The following TIMM50 variants were observed in gnomAD, a reference collection of about 807,000 sequenced individuals.
TIMM50 encodes the protein mitochondrial import inner membrane translocase subunit TIM50.
TIMM50 carries 34 observed loss-of-function variants against 49.6 expected under a neutral mutation model. The observed-to-expected ratio is 0.69, with a 90% CI of 0.52 to 0.91. The LOEUF is 0.91. TIMM50 is among the 40% of genes least tolerant of loss of function. The pLI, the probability that TIMM50 is intolerant of heterozygous loss-of-function variation, is 0.00. For missense variants in TIMM50, 458 were observed against 477.8 expected (o/e 0.96, Z 0.39); for synonymous variants, 199 against 198.4 (o/e 1.00, Z -0.03).
At chr19:39,482,798 G>C in intron 2 of TIMM50, 87 bp from the exon 3 acceptor site, 1 of 1,574,652 alleles carries the variant, frequency 6.4e-7, no homozygotes, top group Non-Finnish European at 8.7e-7. Flanking sequence ...CTCAGATCCA[G>C]GAGTCCAGGC....
chr19:39,481,215 T>G, intron 1 of TIMM50: 1 of 543,900 alleles, frequency 1.8e-6, no homozygotes. Context: ...GTTCCCCGTT[T>G]CAGTGACCAC....
intron 5 of TIMM50, 38 bp from the exon 6 acceptor site, chr19:39,485,650 C>T (rs2079499776): frequency 1.2e-6 from 2 of 1,613,974 alleles, no homozygotes; most frequent in Non-Finnish European, 8.5e-7. Flanking sequence ...GCCCTGGCCT[C>T]CTTGTCTGAG....
intron 4 of TIMM50, chr19:39,483,609 A>G (rs2079486548): frequency 6.2e-6 from 1 of 161,770 alleles, no homozygotes; most frequent in Non-Finnish European, 1.3e-5. Flanking sequence ...AGTAGCTGTC[A>G]ATCCTGTCAC....
rs914382633 is a variant in TIMM50, at chr19:39,486,394, C to T, written c.598-3C>T. On this transcript the variant is annotated splice_polypyrimidine_tract_variant and splice_region_variant and intron_variant, in intron 7 of 10. Coordinates refer to ENST00000607714, the MANE Select transcript of TIMM50 (RefSeq NM_001001563.5). Reference sequence around the variant, plus strand: ...CCTTTTCTCGCTCCCTTCCCACCCCCAGACTGCGTTTCCACTCATTGATAG... The same window carrying T: ...CCTTTTCTCGCTCCCTTCCCACCCCTAGACTGCGTTTCCACTCATTGATAG... 13 of 1,614,184 alleles carry T rather than the reference C, an allele frequency of 8.1e-6. No individual in the cohort carries two copies. Among genetic ancestry groups the T allele is most frequent in the South Asian group, 2.2e-5 (2 of 91,082 alleles).
chr19:39,481,146 G>T, intron 1 of TIMM50, 185 bp downstream of exon 1: 1 of 796,574 alleles, frequency 1.3e-6, no homozygotes, highest in Non-Finnish European at 1.9e-6. Flanking sequence ...TGGGAATCCA[G>T]GTGTGTCCTT....
At position 39,491,281 on chromosome 19, in the gene TIMM50, C is replaced by G. The variant is rs1413938943; in HGVS notation, c.*1461C>G. ...TCCCGGGTTCAAGCAATGCTCCCGC[C>G]TCAACCTCCCAAGTAGCTGAGATTA... On this transcript the variant is annotated 3_prime_UTR_variant, in exon 11 of 11. Coordinates refer to ENST00000607714, the MANE Select transcript of TIMM50 (RefSeq NM_001001563.5). The G allele has an allele frequency of 6.6e-6, 1 of 151,522 alleles. No homozygotes were observed. The allele number at this position is 151,522 out of a possible 1,614,324, so 9.4% of individuals were successfully genotyped here.
intron 4 of TIMM50, chr19:39,483,368 G>T: frequency 2.0e-5 from 11 of 552,466 alleles, no homozygotes; most frequent in East Asian, 6.5e-5. Flanking sequence ...GTCAGAGACA[G>T]ATGGGGGATT....
In TIMM50 at chr19:39,492,878, A is replaced by AAC. The variant is rs2079555433; in HGVS notation, c.*3059_*3060insCA. 6.8e-6 allele frequency: 1 copy of AAC among 146,744 alleles called. No homozygotes were observed. The highest frequency in any genetic ancestry group is 2.1e-4 in the South Asian group (1 of 4,694). The allele number at this position is 146,744 out of a possible 1,614,324, so 9.1% of individuals were successfully genotyped here. On this transcript the variant is annotated 3_prime_UTR_variant, in exon 11 of 11. Coordinates refer to ENST00000607714, the MANE Select transcript of TIMM50 (RefSeq NM_001001563.5). The stretch of plus-strand genomic sequence containing the variant: ...AGAGTAAGGCTCTGTCTCCAAAAAA[A>AAC]AAAAAAAAAAAAAACAAAAAAAAAA...
rs756382236 is a variant in TIMM50, at chr19:39,485,779, C to T, written c.464C>T (p.Thr155Ile). 1.2e-6 allele frequency: 2 copies of T among 1,614,062 alleles called. No individual in the cohort carries two copies. Among genetic ancestry groups the T allele is most frequent in the Non-Finnish European group, 1.7e-6 (2 of 1,180,048 alleles). Residue 155 changes from threonine (T) to isoleucine (I), a missense_variant, in exon 6 of 11, where the codon ACC becomes ATC. Physicochemically the swap from Thr to Ile is moderately conservative, Grantham distance 89. Transcript: ENST00000607714. ...CCCTACACGCTCGTTTTGGAGCTCA[C>T]CGGCGTCCTCTTGCATCCTGAGTGG... is the stretch of plus-strand genomic sequence containing the variant. ...QPPYTLVLEL[T>I]GVLLHPEWSL... is the part of the protein sequence containing the mutation.
At position 39,488,082 on chromosome 19, in the gene TIMM50, G is replaced by A; in HGVS notation, c.718G>A (p.Asp240Asn). The A allele has an allele frequency of 6.2e-7, 1 of 1,610,934 alleles. No individual in the cohort carries two copies. The highest frequency in any genetic ancestry group is 8.5e-7 in the Non-Finnish European group (1 of 1,177,360). ...HVKDISCLNR[D>N]PARVVVVDCK... ...CCAGGATATTTCATGTCTGAATCGGGACCCAGCTCGAGTAGTAGTTGTGGA... is the reference window on the plus strand; with the variant it reads ...CCAGGATATTTCATGTCTGAATCGGAACCCAGCTCGAGTAGTAGTTGTGGA... The change falls in exon 9 of 11, where the codon GAC becomes AAC. Residue 240 changes from aspartate to asparagine, a missense_variant. Physicochemically the swap from Asp to Asn is conservative, Grantham distance 23. Coordinates refer to ENST00000607714, the MANE Select transcript of TIMM50 (RefSeq NM_001001563.5).
Position 39,492,879 on chromosome 19 carries a change from A to AAAAACAAAC in TIMM50, c.*3063_*3064insCAAACAAAA, listed in dbSNP as rs1555752605. 6.9e-6 allele frequency: 1 copy of AAAAACAAAC among 144,614 alleles called. No homozygotes were observed. Among genetic ancestry groups the AAAAACAAAC allele is most frequent in the South Asian group, 2.1e-4 (1 of 4,678 alleles). 9.0% of individuals were successfully genotyped at this position (144,614 alleles called of 1,614,324 possible). On this transcript the variant is annotated 3_prime_UTR_variant, in exon 11 of 11. Transcript: ENST00000607714. ...GAGTAAGGCTCTGTCTCCAAAAAAA[A>AAAAACAAAC]AAAAAAAAAAAAACAAAAAAAAAAC... is the stretch of plus-strand genomic sequence containing the variant.
At chr19:39,487,982 A>C in intron 8 of TIMM50, 79 bp from the exon 9 acceptor site, 1 of 1,327,260 alleles carries the variant, frequency 7.5e-7, no homozygotes, top group Non-Finnish European at 1.0e-6. Flanking sequence ...GTATGTATGT[A>C]TGTTTTGTGT....
At chr19:39,482,057 C>T (rs1274604210) in intron 2 of TIMM50, 24 bp downstream of exon 2, 7 of 1,604,476 alleles carry the variant, frequency 4.4e-6, no homozygotes, top group African/African-American at 2.7e-5. Flanking sequence ...CCCTGTCCCC[C>T]AGTTTTGTTC....
chr19:39,483,302 G>T, intron 4 of TIMM50, 146 bp downstream of exon 4: 1 of 1,070,526 alleles, frequency 9.3e-7, no homozygotes, highest in African/African-American at 1.6e-5. Flanking sequence ...GCTTTGTGGG[G>T]AGGGACATTA....
rs2079560869 is a variant in TIMM50, at chr19:39,493,367, A to C, written c.*3547A>C. ...TGGGTTCAAGTGATTCTCCTGCCTC[A>C]GGCTCCCAAGTAGCTGGGATTACAG... On this transcript the variant is annotated 3_prime_UTR_variant, in exon 11 of 11. Coordinates refer to ENST00000607714, the MANE Select transcript of TIMM50 (RefSeq NM_001001563.5). 1 of 152,076 alleles carries C rather than the reference A, an allele frequency of 6.6e-6. No homozygotes were observed. The allele number at this position is 152,076 out of a possible 1,614,324, so 9.4% of individuals were successfully genotyped here. A position where few individuals can be genotyped will look rare whatever the true frequency, so the allele number is the denominator to read the frequency against.
intron 4 of TIMM50, 188 bp downstream of exon 4, chr19:39,483,344 G>T (rs2079485203): frequency 2.9e-6 from 2 of 684,256 alleles, no homozygotes; most frequent in East Asian, 5.5e-5. Context: ...TGGCCCCTCA[G>T]CCCCGAGCAG....
chr19:39,480,995 G>T (rs752874883), intron 1 of TIMM50, 34 bp downstream of exon 1: 29 of 1,550,392 alleles, frequency 1.9e-5, no homozygotes, highest in Admixed American at 2.0e-5. Context: ...CTGAATGTGG[G>T]GTCCCTTCCC....
chr19:39,492,712 TACAA>T lies in TIMM50; in HGVS notation c.*2894_*2897del. On this transcript the variant is annotated 3_prime_UTR_variant, in exon 11 of 11. Coordinates refer to ENST00000607714, the MANE Select transcript of TIMM50 (RefSeq NM_001001563.5). ...TGAAACCCTGTCTCTACTAAAAAAATACAAATAAATTAGCTGGGCATGGTGGTGG... is the reference window on the plus strand; with the variant it reads ...TGAAACCCTGTCTCTACTAAAAAAATATAAATTAGCTGGGCATGGTGGTGG... The T allele has an allele frequency of 6.6e-6, 1 of 150,980 alleles. No homozygotes were observed. The highest frequency in any genetic ancestry group is 1.5e-5 in the Non-Finnish European group (1 of 67,728). The allele number at this position is 150,980 out of a possible 1,614,324, so 9.4% of individuals were successfully genotyped here. A position where few individuals can be genotyped will look rare whatever the true frequency, so the allele number is the denominator to read the frequency against.
chr19:39,486,147 T>G (rs1319583551), intron 6 of TIMM50, 40 bp from the exon 7 acceptor site: 3 of 1,597,404 alleles, frequency 1.9e-6, no homozygotes, highest in Non-Finnish European at 2.6e-6. Flanking sequence ...TCTGAGGACC[T>G]CTGGGTCTTG....
Sources: allele counts gnomAD v4.1 joint callset, GRCh38; gene constraint gnomAD v4.1.1; transcripts MANE v1.5; gene names NCBI Gene and HGNC (gene_info 2026-07-23, HGNC 2026-07-21).